Variants in CAMSAP3 observed in about 807,000 individuals in gnomAD.
CAMSAP3 encodes the protein calmodulin-regulated spectrin-associated protein 3.
A neutral mutation model predicts 112.5 loss-of-function variants in CAMSAP3; 34 were observed. The observed-to-expected ratio is 0.30, with a 90% CI of 0.23 to 0.40. CAMSAP3 has a LOEUF of 0.40. Ranked by LOEUF, CAMSAP3 falls within the 10% of genes least tolerant of loss-of-function variation. The pLI, the probability that CAMSAP3 is intolerant of heterozygous loss-of-function variation, is 1.00. For synonymous variants in CAMSAP3, 868 were observed against 799.8 expected (o/e 1.09, Z -1.44); for missense variants, 1,602 against 1,770.3 (o/e 0.90, Z 1.71).
In CAMSAP3 at chr19:7,613,011, C is replaced by T. The variant is rs752376738; in HGVS notation, c.2518C>T (p.Arg840Trp). ...EETPPEEPAA[R>W]PGLIEIPLGS... Reference sequence around the variant, plus strand: ...GACGCCCCCCGAGGAGCCAGCCGCCCGGCCGGGCCTCATCGAGATCCCGCT... The same window carrying T: ...GACGCCCCCCGAGGAGCCAGCCGCCTGGCCGGGCCTCATCGAGATCCCGCT... Residue 840 changes from arginine to tryptophan, a missense_variant, in exon 11 of 17, where the codon CGG (arginine) becomes TGG (tryptophan). This residue lies in a region of CAMSAP3 where 1,100 missense variants were observed against 1,135.7 expected (regional missense o/e 0.97). Coordinates refer to ENST00000160298, the MANE Select transcript of CAMSAP3 (RefSeq NM_020902.2). The T allele has an allele frequency of 8.4e-5, 132 of 1,564,098 alleles. No individual in the cohort carries two copies. Among genetic ancestry groups the T allele is most frequent in the South Asian group, 1.2e-4 (10 of 85,604 alleles).
Position 7,615,224 on chromosome 19 carries a change from C to A in CAMSAP3, c.2712C>A (p.Ala904=). The A allele has an allele frequency of 6.4e-7, 1 of 1,552,734 alleles. No individual in the cohort carries two copies. Among genetic ancestry groups the A allele is most frequent in the South Asian group, 1.2e-5 (1 of 84,186 alleles). The part of the protein sequence containing the change: ...KPEDEMAQKR[A]SLLERQQRRA... Reference sequence around the variant, plus strand: ...AGGACGAGATGGCCCAAAAGCGGGCCAGCCTGCTGGAGCGGCAGCAGCGGC... The same window carrying A: ...AGGACGAGATGGCCCAAAAGCGGGCAAGCCTGCTGGAGCGGCAGCAGCGGC... The change falls in exon 12 of 17, where the codon GCC becomes GCA. Residue 904 remains alanine, a synonymous_variant. Transcript: ENST00000160298. The surrounding 1 kb of genome is among the most constrained non-coding windows in gnomAD (Gnocchi z 6.5).
chr19:7,606,902 T>C (rs1177918101), intron 4 of CAMSAP3: 5 of 1,374,154 alleles, frequency 3.6e-6, no homozygotes, highest in Non-Finnish European at 5.2e-6. Context: ...CTGCGCGCCC[T>C]CTCATACCTC....
rs760236301 is a variant in CAMSAP3, at chr19:7,617,828, C to T, written c.3521C>T (p.Thr1174Met). ...DSSCQFRALY[T>M]LSGETEELSR... is the part of the protein sequence containing the mutation. ...AGCTGCCAGTTCCGGGCGCTCTACA[C>T]GCTGTCGGGGGAGACAGAGGAGCTG... The change falls in exon 17 of 17, where the codon ACG (threonine) becomes ATG (methionine). Residue 1174 changes from threonine (T) to methionine (M), a missense_variant. By Grantham distance (81) the Thr-to-Met change is moderately conservative (BLOSUM62 -1). This residue lies in a region of CAMSAP3 where 150 missense variants were observed against 207.6 expected (regional missense o/e 0.72). Coordinates refer to ENST00000160298, the MANE Select transcript of CAMSAP3 (RefSeq NM_020902.2). This position sits in a 1 kb window ranked among gnomAD's most constrained non-coding sequence, Gnocchi z 7.5. 3 of 1,613,956 alleles carry T rather than the reference C, an allele frequency of 1.9e-6. No individual in the cohort carries two copies. The highest frequency in any genetic ancestry group is 1.3e-5 in the African/African-American group (1 of 75,056).
Position 7,615,906 on chromosome 19 carries a change from G to A in CAMSAP3, c.3112+187G>A, listed in dbSNP as rs1261457906. The stretch of plus-strand genomic sequence containing the variant: ...GTCTCTTGGGTAAAGACTTCCATAG[G>A]GGGCCGGGCGCGGTGGCTCACGCCT... On this transcript the variant is annotated intron_variant, in intron 13 of 16. Transcript: ENST00000160298. The surrounding 1 kb of genome is among the most constrained non-coding windows in gnomAD (Gnocchi z 6.5). Among the ~76,000 whole-genome samples, 2 of 151,912 alleles carry A rather than the reference G, an allele frequency of 1.3e-5. No homozygotes were observed. The highest frequency in any genetic ancestry group is 2.4e-5 in the African/African-American group (1 of 41,394).
chr19:7,595,907 G>A lies in CAMSAP3; in HGVS notation c.-96G>A, dbSNP rs1214521185. The A allele has an allele frequency of 2.2e-5, 12 of 554,586 alleles. No homozygotes were observed. Among genetic ancestry groups the A allele is most frequent in the Non-Finnish European group, 2.5e-5 (11 of 438,196 alleles). 34.4% of individuals were successfully genotyped at this position (554,586 alleles called of 1,614,324 possible). A position where few individuals can be genotyped will look rare whatever the true frequency, so the allele number is the denominator to read the frequency against. ...CGGCGGCGGCGGCGGCGGCAGCGGC[G>A]GTAGCAGCAGCGGGCCCGGCTGGGG... On this transcript the variant is annotated 5_prime_UTR_variant, in exon 1 of 17. Coordinates refer to ENST00000160298, the MANE Select transcript of CAMSAP3 (RefSeq NM_020902.2).
chr19:7,605,124 C>T (rs1308020241), intron 1 of CAMSAP3, 102 bp from the exon 2 acceptor site: 2 of 723,290 alleles, frequency 2.8e-6, no homozygotes, highest in Non-Finnish European at 4.2e-6. Context: ...CTGGTCCAGA[C>T]ACACTCTTAA....
In CAMSAP3 at chr19:7,595,936, G is replaced by C. The variant is rs1235389184; in HGVS notation, c.-67G>C. The stretch of plus-strand genomic sequence containing the variant: ...GCAGCAGCGGGCCCGGCTGGGGCGC[G>C]AGCGCGGCGCAGCCCAGCCCAGCCC... On this transcript the variant is annotated 5_prime_UTR_variant, in exon 1 of 17. Transcript: ENST00000160298. The C allele has an allele frequency of 2.4e-6, 2 of 840,196 alleles. No individual in the cohort carries two copies. The highest frequency in any genetic ancestry group is 1.4e-6 in the Non-Finnish European group (1 of 696,448). 52.0% of individuals were successfully genotyped at this position (840,196 alleles called of 1,614,324 possible). A position where few individuals can be genotyped will look rare whatever the true frequency, so the allele number is the denominator to read the frequency against.
intron 2 of CAMSAP3, 54 bp downstream of exon 2, chr19:7,605,533 T>C: frequency 7.1e-7 from 1 of 1,399,876 alleles, no homozygotes; most frequent in Non-Finnish European, 9.3e-7. Context: ...GCTCCTCCCC[T>C]CAAGCTCCTC....
intron 4 of CAMSAP3, chr19:7,606,779 C>A (rs2030249883): frequency 6.2e-7 from 1 of 1,613,686 alleles, no homozygotes; most frequent in African/African-American, 1.3e-5. Flanking sequence ...GGCCTCAGTG[C>A]CCTACGCGCT....
intron 1 of CAMSAP3, among the ~76,000 whole-genome samples, chr19:7,597,290 C>T (rs2024461174): frequency 1.3e-5 from 2 of 152,138 alleles, no homozygotes; most frequent in African/African-American, 4.8e-5. Flanking sequence ...TCGTTCCATG[C>T]ATGCATTTCC....
Position 7,607,686 on chromosome 19 carries a change from C to A in CAMSAP3, c.622-440C>A, listed in dbSNP as rs907981680. ...GAGGAGCTGGGGTTCGCGAAGCCGG[C>A]CAGAGCAGTCAGGGAGCTGGACGGC... On this transcript the variant is annotated intron_variant, in intron 4 of 16. Coordinates refer to ENST00000160298, the MANE Select transcript of CAMSAP3 (RefSeq NM_020902.2). This position sits in a 1 kb window ranked among gnomAD's most constrained non-coding sequence, Gnocchi z 4.9. The A allele has an allele frequency of 4.8e-5, 18 of 376,584 alleles. No individual in the cohort carries two copies. The highest frequency in any genetic ancestry group is 8.9e-5 in the Non-Finnish European group (18 of 201,150). The allele number at this position is 376,584 out of a possible 1,614,324, so 23.3% of individuals were successfully genotyped here.
In CAMSAP3 at chr19:7,615,006, T is replaced by A; in HGVS notation, c.2671-177T>A. 1.4e-6 allele frequency: 1 copy of A among 712,100 alleles called. No individual in the cohort carries two copies. Among genetic ancestry groups the A allele is most frequent in the Non-Finnish European group, 2.4e-6 (1 of 413,032 alleles). 44.1% of individuals were successfully genotyped at this position (712,100 alleles called of 1,614,324 possible). A position where few individuals can be genotyped will look rare whatever the true frequency, so the allele number is the denominator to read the frequency against. The stretch of plus-strand genomic sequence containing the variant: ...CGGCACCCAGTGTATCCCATCCCTG[T>A]TGTGTCCCAGTACTTAGTGTGGGGC... On this transcript the variant is annotated intron_variant, in intron 11 of 16. Coordinates refer to ENST00000160298, the MANE Select transcript of CAMSAP3 (RefSeq NM_020902.2). This position sits in a 1 kb window ranked among gnomAD's most constrained non-coding sequence, Gnocchi z 6.5.
rs56244737 is a variant in CAMSAP3, at chr19:7,605,147, GGTGTGTGTGT to G, written c.149-58_149-49del. 5.4e-5 allele frequency: 34 copies of G among 624,656 alleles called. No homozygotes were observed. In the East Asian group the frequency reaches 5.8e-4, roughly 11 times the overall value. 38.7% of individuals were successfully genotyped at this position (624,656 alleles called of 1,614,324 possible). On this transcript the variant is annotated intron_variant, in intron 1 of 16. Coordinates refer to ENST00000160298, the MANE Select transcript of CAMSAP3 (RefSeq NM_020902.2). ...GACACACTCTTAATCCGGGCCATGT[GGTGTGTGTGT>G]GTGTGTGTGTGTGTGTGTGTTGTAT...
chr19:7,606,150 A>AAACCCCCCCCCCCCCC, intron 2 of CAMSAP3, 121 bp from the exon 3 acceptor site: 1 of 265,232 alleles, frequency 3.8e-6, no homozygotes, highest in South Asian at 3.3e-5. Flanking sequence ...CGCCCCCTCA[A>AAACCCCCCCCCCCCCC]GCCCCACCCC....
rs1210941780 is a variant in CAMSAP3 at position 7,617,866 on chromosome 19, G to C, written c.3559G>C (p.Gly1187Arg). Residue 1187 changes from glycine to arginine, a missense_variant, in exon 17 of 17, where the codon GGG becomes CGG. Gly to Arg is a moderately radical substitution (Grantham distance 125). Around this residue, in one of 6 missense-constraint regions of CAMSAP3, gnomAD observed 150 missense variants for 207.6 expected, o/e 0.72. Coordinates refer to ENST00000160298, the MANE Select transcript of CAMSAP3 (RefSeq NM_020902.2). This position sits in a 1 kb window ranked among gnomAD's most constrained non-coding sequence, Gnocchi z 7.5. The stretch of plus-strand genomic sequence containing the variant: ...GACAGAGGAGCTGTCGCGGCTGGCA[G>C]GGTATGGGCCCCGGACCGTCACGCC... ...GETEELSRLA[G>R]YGPRTVTPAM... 1.2e-6 allele frequency: 2 copies of C among 1,613,736 alleles called. No individual in the cohort carries two copies. Among genetic ancestry groups the C allele is most frequent in the Non-Finnish European group, 1.7e-6 (2 of 1,180,030 alleles).
Position 7,615,214 on chromosome 19 carries a change from A to C in CAMSAP3, c.2702A>C (p.Gln901Pro), listed in dbSNP as rs772767331. The C allele has an allele frequency of 5.4e-5, 84 of 1,553,072 alleles. No homozygotes were observed. The highest frequency in any genetic ancestry group is 7.1e-5 in the Non-Finnish European group (81 of 1,148,506). The change falls in exon 12 of 17, where the codon CAA (glutamine) becomes CCA (proline). Residue 901 changes from glutamine to proline, a missense_variant. This residue lies in a region of CAMSAP3 where 1,100 missense variants were observed against 1,135.7 expected (regional missense o/e 0.97). Coordinates refer to ENST00000160298, the MANE Select transcript of CAMSAP3 (RefSeq NM_020902.2). This position sits in a 1 kb window ranked among gnomAD's most constrained non-coding sequence, Gnocchi z 6.5. ...DEDKPEDEMA[Q>P]KRASLLERQQ... ...GACAAGCCTGAGGACGAGATGGCCC[A>C]AAAGCGGGCCAGCCTGCTGGAGCGG...
At position 7,596,057 on chromosome 19, in the gene CAMSAP3, C is replaced by G; in HGVS notation, c.55C>G (p.Pro19Ala). 7.8e-7 allele frequency: 1 copy of G among 1,279,358 alleles called. No individual in the cohort carries two copies. Among genetic ancestry groups the G allele is most frequent in the Non-Finnish European group, 1.0e-6 (1 of 986,144 alleles). 79.3% of individuals were successfully genotyped at this position (1,279,358 alleles called of 1,614,324 possible). ...PGPLRRTFLVPEIKSLDQYDF... is the reference protein window; with the variant it reads ...PGPLRRTFLVAEIKSLDQYDF... Reference sequence around the variant, plus strand: ...GCCGCTGCGGAGGACCTTTCTAGTGCCCGAGATCAAGTCGCTGGACCAGTA... The same window carrying G: ...GCCGCTGCGGAGGACCTTTCTAGTGGCCGAGATCAAGTCGCTGGACCAGTA... The change falls in exon 1 of 17, where the codon CCC (proline) becomes GCC (alanine). Residue 19 changes from proline (P) to alanine (A), a missense_variant. Physicochemically the swap from Pro to Ala is conservative, Grantham distance 27. Coordinates refer to ENST00000160298, the MANE Select transcript of CAMSAP3 (RefSeq NM_020902.2).
chr19:7,617,462 T>A lies in CAMSAP3; in HGVS notation c.3325+24T>A. On this transcript the variant is annotated intron_variant, in intron 15 of 16. Coordinates refer to ENST00000160298, the MANE Select transcript of CAMSAP3 (RefSeq NM_020902.2). The surrounding 1 kb of genome is among the most constrained non-coding windows in gnomAD (Gnocchi z 7.5). ...AGGTAAGCAGGGGCTCTGGGTGATG[T>A]GAGGAGCAACAGGCACCCTCCTCCA... 1 of 1,608,428 alleles carries A rather than the reference T, an allele frequency of 6.2e-7. No individual in the cohort carries two copies. Among genetic ancestry groups the A allele is most frequent in the Non-Finnish European group, 8.5e-7 (1 of 1,174,910 alleles).
chr19:7,614,259 CAAA>C (rs1173068955), intron 11 of CAMSAP3, among the ~76,000 whole-genome samples: 5 of 18,762 alleles, frequency 2.7e-4, no homozygotes, highest in East Asian at 3.2e-3. Flanking sequence ...GACTCCATCT[CAAA>C]AAAAAAAAAA....
Sources: allele counts gnomAD v4.1 joint callset (sites outside exome capture counted in the v4.1 genomes callset), GRCh38; gene constraint gnomAD v4.1.1; regional missense constraint gnomAD v4.1.1; non-coding constraint Gnocchi (gnomAD v3.1); transcripts MANE v1.5; gene names NCBI Gene and HGNC (gene_info 2026-07-23, HGNC 2026-07-21).